The following PKHD1 variants were observed in gnomAD, a reference collection of about 807,000 sequenced individuals.
PKHD1 encodes PKHD1 ciliary IPT domain containing fibrocystin/polyductin.
In PKHD1, 291 loss-of-function variants were observed where a neutral mutation model predicts 412.0. The observed-to-expected ratio is 0.71, with a 90% confidence interval of 0.64 to 0.78. PKHD1 has a LOEUF of 0.78. Among genes scored for constraint, PKHD1 ranks in the 30% least tolerant of loss-of-function variants. The pLI, the probability that PKHD1 is intolerant of heterozygous loss-of-function variation, is 0.00. For synonymous variants in PKHD1, 1,777 were observed against 1,821.5 expected (o/e 0.98, Z 0.62); for missense variants, 4,825 against 4,950.7 (o/e 0.97, Z 0.76).
intron 35 of PKHD1, among the ~76,000 whole-genome samples, chr6:51,974,187 G>A (rs1794055137): frequency 6.6e-6 from 1 of 152,108 alleles, no homozygotes. Context: ...CCTTACCTGG[G>A]ATGTACCTAA....
At chr6:51,813,216 T>C (rs1471247461) in intron 52 of PKHD1, among the ~76,000 whole-genome samples, 1 of 152,218 alleles carries the variant, frequency 6.6e-6, no homozygotes, top group African/African-American at 2.4e-5. Context: ...TTGACCTTTT[T>C]ATTAACAGAA....
intron 35 of PKHD1, among the ~76,000 whole-genome samples, chr6:52,004,172 A>G (rs1462322165): frequency 3.9e-5 from 6 of 152,074 alleles, no homozygotes; most frequent in Non-Finnish European, 7.4e-5. Context: ...AGAGATTACT[A>G]TCTATCCATT....
intron 60 of PKHD1, among the ~76,000 whole-genome samples, chr6:51,742,020 G>A (rs1784615282): frequency 6.6e-6 from 1 of 152,160 alleles, no homozygotes; most frequent in African/African-American, 2.4e-5. Context: ...ACCTGTAATG[G>A]TGGAATAATT....
At chr6:52,028,470 T>G (rs1802561781) in intron 29 of PKHD1, 119 bp from the exon 30 acceptor site, 1 of 941,530 alleles carries the variant, frequency 1.1e-6, no homozygotes. Context: ...CATAATACTC[T>G]TAAGAGTTAC....
intron 60 of PKHD1, among the ~76,000 whole-genome samples, chr6:51,707,057 A>T (rs1313097811): frequency 6.6e-6 from 1 of 152,224 alleles, no homozygotes; most frequent in Non-Finnish European, 1.5e-5. Flanking sequence ...TGCTGAATAT[A>T]TAAGAATTGC....
At chr6:51,711,555 G>A (rs1780663923) in intron 60 of PKHD1, among the ~76,000 whole-genome samples, 1 of 152,200 alleles carries the variant, frequency 6.6e-6, no homozygotes, top group South Asian at 2.1e-4. Context: ...ATCTGCATCT[G>A]TAGGGTCTCA....
rs797044713 is a variant in PKHD1 at position 52,028,187 on chromosome 6, A to AG, written c.3528dup (p.Ser1177LeufsTer13). ...GAGTGAATGCTGACCCCATTGATAG[A>AG]GACGGAAATTCTGTGGAGACCAGCT... On this transcript the variant is annotated frameshift_variant, in exon 30 of 67. Coordinates refer to ENST00000371117, the MANE Select transcript of PKHD1 (RefSeq NM_138694.4). LOFTEE classifies it high-confidence loss of function. The AG allele has an allele frequency of 1.9e-6, 3 of 1,614,138 alleles. No individual in the cohort carries two copies. In the African/African-American group the frequency reaches 4.0e-5, roughly 22 times the overall value.
Position 52,033,143 on chromosome 6 carries a change from T to G in PKHD1, c.3251A>C (p.Asn1084Thr), listed in dbSNP as rs201102541. 2.9e-5 allele frequency: 47 copies of G among 1,612,788 alleles called. No individual in the cohort carries two copies. Residue 1084 changes from asparagine (N) to threonine (T), a missense_variant, in exon 29 of 67, where the codon AAT becomes ACT. Transcript: ENST00000371117. The part of the protein sequence containing the change: ...PPRGKDGRIV[N>T]VTVIRGDYSA... ...ATAGTCCCCTCTGATCACAGTCACATTCACAATGCGTCCATCTTTCCCCTG... is the reference window on the plus strand; with the variant it reads ...ATAGTCCCCTCTGATCACAGTCACAGTCACAATGCGTCCATCTTTCCCCTG...
chr6:51,694,950 A>G (rs1337103685), intron 60 of PKHD1, among the ~76,000 whole-genome samples: 2 of 304 alleles, frequency 6.6e-3, no homozygotes, highest in African/African-American at 9.2e-3. Context: ...ACTGACTATA[A>G]AAAAAATTGG....
intron 44 of PKHD1, among the ~76,000 whole-genome samples, chr6:51,886,229 T>C (rs1778190865): frequency 6.6e-6 from 1 of 152,146 alleles, no homozygotes; most frequent in South Asian, 2.1e-4. Context: ...CTCTGCATAT[T>C]TGGAAGTTTA....
intron 52 of PKHD1, among the ~76,000 whole-genome samples, chr6:51,793,834 A>T (rs553860867): frequency 6.6e-6 from 1 of 152,280 alleles, no homozygotes; most frequent in Non-Finnish European, 1.5e-5. Flanking sequence ...CAATGAACGT[A>T]TGCGTGCATG....
intron 52 of PKHD1, among the ~76,000 whole-genome samples, chr6:51,822,386 C>T (rs1766589300): frequency 6.6e-6 from 1 of 152,156 alleles, no homozygotes; most frequent in Admixed American, 6.6e-5. Flanking sequence ...CTGTTAACCA[C>T]CTCCATCATC....
rs755769277 is a variant in PKHD1 at position 51,619,118 on chromosome 6, T to C, written c.12188A>G (p.His4063Arg). 11 of 1,614,248 alleles carry C rather than the reference T, an allele frequency of 6.8e-6. No homozygotes were observed. In the East Asian group the frequency reaches 2.0e-4, roughly 29 times the overall value. The change falls in exon 67 of 67, where the codon CAT (histidine) becomes CGT (arginine). Residue 4063 changes from histidine (H) to arginine (R), a missense_variant. Physicochemically the swap from His to Arg is conservative, Grantham distance 29. Coordinates refer to ENST00000371117, the MANE Select transcript of PKHD1 (RefSeq NM_138694.4). ...SCGATEAFCL[H>R]SVHPETIQEQ... ...CTGAATAGTTTCCGGGTGTACTGAA[T>C]GAAGGCAGAATGCCTCAGTGGCCCC...
chr6:52,021,864 T>A (rs999864708), intron 33 of PKHD1, among the ~76,000 whole-genome samples: 1 of 152,190 alleles, frequency 6.6e-6, no homozygotes, highest in Non-Finnish European at 1.5e-5. Flanking sequence ...CAAGCTCAGA[T>A]GATGTGGTGC....
intron 35 of PKHD1, among the ~76,000 whole-genome samples, chr6:51,985,110 A>T (rs957070164): frequency 6.6e-6 from 1 of 152,240 alleles, no homozygotes; most frequent in Non-Finnish European, 1.5e-5. Flanking sequence ...GTAAACTGGT[A>T]CAACTATATT....
intron 23 of PKHD1, among the ~76,000 whole-genome samples, chr6:52,047,446 C>G (rs1806037889): frequency 6.6e-6 from 1 of 152,160 alleles, no homozygotes; most frequent in Non-Finnish European, 1.5e-5. Context: ...CAGCCCCTCT[C>G]AAGTTCTACT....
intron 60 of PKHD1, among the ~76,000 whole-genome samples, chr6:51,677,327 C>CT (rs532943630): frequency 2.0e-5 from 3 of 152,214 alleles, no homozygotes; most frequent in Admixed American, 2.0e-4. Context: ...AGGATGCACT[C>CT]TAATAGCTAG....
intron 41 of PKHD1, among the ~76,000 whole-genome samples, chr6:51,905,045 C>A (rs538758510): frequency 6.6e-6 from 1 of 152,170 alleles, no homozygotes; most frequent in Non-Finnish European, 1.5e-5. Context: ...TCTCACTAGA[C>A]AGTTTCCATC....
At position 51,748,401 on chromosome 6, in the gene PKHD1, G is replaced by A. The variant is rs139306706; in HGVS notation, c.9215C>T (p.Ala3072Val). ...TCCCGCCACCCAAATGGTGGACCAC[G>A]CTGGCTGTGTCATCAGAACCACAAG... ...NNLVVLMTQP[A>V]WSTIWVAGIK... The change falls in exon 58 of 67, where the codon GCG becomes GTG. Residue 3072 changes from alanine to valine, a missense_variant. Transcript: ENST00000371117. 1.2e-3 allele frequency: 1,979 copies of A among 1,613,972 alleles called. 10 individuals carry two copies. Among genetic ancestry groups the A allele is most frequent in the South Asian group, 8.7e-3 (794 of 91,078 alleles).
Sources: gnomAD v4.1 joint callset for allele counts (sites outside exome capture counted in the v4.1 genomes callset) on GRCh38, gnomAD v4.1.1 for gene constraint, MANE v1.5 for transcripts, NCBI Gene and HGNC (gene_info 2026-07-23, HGNC 2026-07-21) for gene names.